The following CRTAC1 variants were observed in gnomAD, a reference collection of about 807,000 sequenced individuals.
CRTAC1 encodes cartilage acidic protein 1.
CRTAC1 carries 37 observed loss-of-function variants against 67.8 expected under a neutral mutation model. The observed-to-expected ratio is 0.55, with a 90% CI of 0.42 to 0.72. CRTAC1 has a LOEUF of 0.72. CRTAC1 is among the 30% of genes least tolerant of loss of function. The pLI, the probability that CRTAC1 is intolerant of heterozygous loss-of-function variation, is 0.00. For missense variants in CRTAC1, 780 were observed against 931.6 expected, an observed-to-expected ratio of 0.84 and a Z score of 2.12; for synonymous variants, 348 against 371.0, an observed-to-expected ratio of 0.94 and a Z score of 0.71.
At chr10:97,998,282 C>T (rs866411834) in intron 2 of CRTAC1, among the ~76,000 whole-genome samples, 1 of 152,124 alleles carries the variant, frequency 6.6e-6, no homozygotes, top group South Asian at 2.1e-4. Context: ...CAAGGAAAGA[C>T]TTAAAAAGAT....
At chr10:97,945,983 A>C (rs996548605) in intron 2 of CRTAC1, among the ~76,000 whole-genome samples, 7 of 152,212 alleles carry the variant, frequency 4.6e-5, no homozygotes, top group African/African-American at 1.7e-4. Context: ...ATGAGCATAG[A>C]GGCACACAGA....
intron 4 of CRTAC1, among the ~76,000 whole-genome samples, chr10:97,920,590 TCC>T (rs1451814503): frequency 6.6e-6 from 1 of 152,154 alleles, no homozygotes; most frequent in Non-Finnish European, 1.5e-5. Context: ...TCTAACGAGT[TCC>T]CAGATGATGC....
chr10:97,948,045 G>A (rs2051292397), intron 2 of CRTAC1, among the ~76,000 whole-genome samples: 1 of 150,562 alleles, frequency 6.6e-6, no homozygotes, highest in African/African-American at 2.4e-5. Context: ...GGCCAAGGAA[G>A]AGAATTGAAA....
chr10:97,951,823 T>C (rs1257720893), intron 2 of CRTAC1, among the ~76,000 whole-genome samples: 2 of 152,216 alleles, frequency 1.3e-5, no homozygotes, highest in Non-Finnish European at 2.9e-5. Context: ...AGTAGATTCT[T>C]GCTACTCAAA....
At chr10:97,905,951 C>CA (rs1220264621) in intron 6 of CRTAC1, among the ~76,000 whole-genome samples, 9 of 152,142 alleles carry the variant, frequency 5.9e-5, no homozygotes, top group Middle Eastern at 3.2e-3. Context: ...GCTTGAGAGA[C>CA]AGAGGTGAAT....
In CRTAC1 at chr10:98,011,355, A is replaced by G; in HGVS notation, c.25-18T>C. On this transcript the variant is annotated intron_variant, in intron 1 of 14. Coordinates refer to ENST00000370597, the MANE Select transcript of CRTAC1 (RefSeq NM_018058.7). ...CTGGACATCTGAAACCAAAAGTGACAAATGTTACCGAAAGAACCTGTAACC... is the reference window on the plus strand; with the variant it reads ...CTGGACATCTGAAACCAAAAGTGACGAATGTTACCGAAAGAACCTGTAACC... 5 of 1,612,924 alleles carry G rather than the reference A, an allele frequency of 3.1e-6. No homozygotes were observed. Among genetic ancestry groups the G allele is most frequent in the Middle Eastern group, 1.9e-4 (1 of 5,214 alleles).
chr10:97,867,145 A>G (rs1247405955), intron 14 of CRTAC1: 2 of 152,142 alleles, frequency 1.3e-5, no homozygotes. Context: ...CAGCCTGCCC[A>G]GGGGCTGGGG....
intron 2 of CRTAC1, among the ~76,000 whole-genome samples, chr10:97,995,272 A>G (rs530582155): frequency 5.9e-5 from 9 of 152,226 alleles, no homozygotes; most frequent in Non-Finnish European, 1.0e-4. Flanking sequence ...GGCTTCCTGC[A>G]CATACATGCT....
chr10:98,025,801 T>C (rs1200380315), intron 1 of CRTAC1, among the ~76,000 whole-genome samples: 1 of 152,200 alleles, frequency 6.6e-6, no homozygotes, highest in Non-Finnish European at 1.5e-5. Context: ...CAAGGAAGGC[T>C]TCTCCCAGCA....
chr10:97,930,915 G>A (rs2050994003), intron 3 of CRTAC1, among the ~76,000 whole-genome samples: 2 of 35,074 alleles, frequency 5.7e-5, no homozygotes, highest in South Asian at 2.3e-3. Flanking sequence ...TCCACCAAGA[G>A]CAAAGACAAA....
intron 2 of CRTAC1, among the ~76,000 whole-genome samples, chr10:98,003,044 A>G (rs1009710360): frequency 1.3e-5 from 2 of 151,756 alleles, no homozygotes; most frequent in African/African-American, 4.8e-5. Flanking sequence ...CAGCCTCCCA[A>G]AGTGCTGGGA....
chr10:97,994,070 T>C (rs1207287570), intron 2 of CRTAC1, among the ~76,000 whole-genome samples: 1 of 152,202 alleles, frequency 6.6e-6, no homozygotes, highest in Admixed American at 6.5e-5. Context: ...CTGGCCAGGC[T>C]GGTCTTGAAG....
chr10:97,881,333 G>A (rs1322882901), intron 13 of CRTAC1, among the ~76,000 whole-genome samples: 1 of 152,114 alleles, frequency 6.6e-6, no homozygotes, highest in Non-Finnish European at 1.5e-5. Context: ...AACTCTTTCT[G>A]GGCCTAGATC....
At chr10:97,869,459 C>G (rs898350977) in intron 14 of CRTAC1, 1 of 152,748 alleles carries the variant, frequency 6.5e-6, no homozygotes, top group Non-Finnish European at 1.5e-5. Flanking sequence ...CTCAGCCAGA[C>G]TGTCCCCGAG....
intron 11 of CRTAC1, among the ~76,000 whole-genome samples, chr10:97,886,678 T>A (rs1443663818): frequency 1.4e-5 from 2 of 140,332 alleles, no homozygotes; most frequent in Admixed American, 1.6e-4. Flanking sequence ...AGTATCTCAA[T>A]CTGTCACCCA....
intron 6 of CRTAC1, 30 bp downstream of exon 6, chr10:97,907,983 G>C: frequency 6.2e-7 from 1 of 1,612,734 alleles, no homozygotes; most frequent in South Asian, 1.1e-5. Context: ...GAGGGGTCAG[G>C]GTGCACAGGG....
At chr10:97,874,287 G>C (rs1168857862) in intron 14 of CRTAC1, among the ~76,000 whole-genome samples, 1 of 152,180 alleles carries the variant, frequency 6.6e-6, no homozygotes, top group Non-Finnish European at 1.5e-5. Flanking sequence ...ATTGTTGAGG[G>C]CCAAATTCCC....
chr10:97,885,573 G>A (rs778744028), intron 11 of CRTAC1, among the ~76,000 whole-genome samples: 1 of 152,172 alleles, frequency 6.6e-6, no homozygotes, highest in African/African-American at 2.4e-5. Context: ...GTCAAAGCAG[G>A]CCCCAGCTCC....
rs1415075518 is a variant in CRTAC1 at position 97,865,658 on chromosome 10, T to C, written c.1876A>G (p.Thr626Ala). The C allele has an allele frequency of 8.1e-6, 13 of 1,610,440 alleles. No homozygotes were observed. Among genetic ancestry groups the C allele is most frequent in the Admixed American group, 6.7e-5 (4 of 59,764 alleles). ...CCAGCAGCGGCAGCAGCAGCGGCAG[T>C]GGCAGCAGCAGCGGTGGGGGTGGTG... ...RPTTPTAAAA[T>A]AAAAAAAGAA... Residue 626 changes from threonine (T) to alanine (A), a missense_variant, in exon 15 of 15, where the codon ACT becomes GCT. By Grantham distance (58) the Thr-to-Ala change is moderately conservative. Transcript: ENST00000370597.
Sources: gnomAD v4.1 joint callset for allele counts (sites outside exome capture counted in the v4.1 genomes callset) on GRCh38, gnomAD v4.1.1 for gene constraint, MANE v1.5 for transcripts, NCBI Gene and HGNC (gene_info 2026-07-23, HGNC 2026-07-21) for gene names.